The following SLC39A11 variants were observed in gnomAD, a reference collection of about 807,000 sequenced individuals.
SLC39A11 encodes solute carrier family 39 member 11.
In SLC39A11, 33 loss-of-function variants were observed where a neutral mutation model predicts 36.1. The observed-to-expected ratio is 0.91, with a 90% CI of 0.69 to 1.22. The LOEUF (loss-of-function observed/expected upper bound fraction) is 1.22, where lower values mean the gene tolerates loss of function less well. Among genes scored for constraint, SLC39A11 ranks in the 50% most tolerant of loss-of-function variants. SLC39A11 has a pLI of 0.00. For missense variants in SLC39A11, 432 were observed against 430.3 expected, an observed-to-expected ratio of 1.00 and a Z score of -0.03; for synonymous variants, 166 against 170.3, an observed-to-expected ratio of 0.97 and a Z score of 0.20.
chr17:72,676,102 A>ACACACACACACT (rs869131230), intron 7 of SLC39A11, among the ~76,000 whole-genome samples: 62 of 151,120 alleles, frequency 4.1e-4, no homozygotes, highest in East Asian at 7.8e-4. Flanking sequence ...ACACACACAC[A>ACACACACACACT]CTTGCTGTAT....
chr17:72,940,467 G>C (rs2085036675), intron 5 of SLC39A11, among the ~76,000 whole-genome samples: 1 of 152,118 alleles, frequency 6.6e-6, no homozygotes, highest in South Asian at 2.1e-4. Context: ...GTAGAGACGG[G>C]GTTTCACCAT....
intron 3 of SLC39A11, among the ~76,000 whole-genome samples, chr17:73,071,726 T>C (rs1411616310): frequency 6.6e-6 from 1 of 152,228 alleles, no homozygotes; most frequent in Non-Finnish European, 1.5e-5. Context: ...TATTCAACTC[T>C]GCCACTGTAG....
chr17:73,069,358 T>C (rs1046048717), intron 3 of SLC39A11, among the ~76,000 whole-genome samples: 1 of 152,262 alleles, frequency 6.6e-6, no homozygotes, highest in Non-Finnish European at 1.5e-5. Flanking sequence ...GGAGGGATTA[T>C]ATCTTGCTTC....
chr17:72,888,982 G>A (rs1250063899), intron 5 of SLC39A11, among the ~76,000 whole-genome samples: 1 of 152,080 alleles, frequency 6.6e-6, no homozygotes, highest in African/African-American at 2.4e-5. Context: ...GGTGTGCAGA[G>A]GTCAAACATG....
chr17:72,875,202 T>C (rs1455554095), intron 5 of SLC39A11, among the ~76,000 whole-genome samples: 1 of 152,222 alleles, frequency 6.6e-6, no homozygotes, highest in Non-Finnish European at 1.5e-5. Context: ...GTGTATATTA[T>C]TTTAAATCTT....
intron 6 of SLC39A11, among the ~76,000 whole-genome samples, chr17:72,776,249 G>A (rs896105577): frequency 2.0e-5 from 3 of 152,150 alleles, no homozygotes; most frequent in African/African-American, 4.8e-5. Context: ...ATCCCATGAC[G>A]GCACTCAATG....
chr17:72,922,260 G>C (rs1446489443), intron 5 of SLC39A11, among the ~76,000 whole-genome samples: 1 of 152,222 alleles, frequency 6.6e-6, no homozygotes, highest in Non-Finnish European at 1.5e-5. Context: ...CCCGAAGACA[G>C]TTTCACATTT....
intron 7 of SLC39A11, among the ~76,000 whole-genome samples, chr17:72,713,201 T>C (rs1328381228): frequency 1.3e-5 from 2 of 152,060 alleles, no homozygotes; most frequent in Non-Finnish European, 2.9e-5. Flanking sequence ...CAGACCAGGT[T>C]TGTAACAGGG....
chr17:72,896,931 T>C (rs1407519282), intron 5 of SLC39A11, among the ~76,000 whole-genome samples: 1 of 151,024 alleles, frequency 6.6e-6, no homozygotes, highest in Non-Finnish European at 1.5e-5. Context: ...CGGGCACCTA[T>C]AATCCCAGCT....
intron 5 of SLC39A11, among the ~76,000 whole-genome samples, chr17:72,920,190 C>T (rs747619666): frequency 2.0e-5 from 3 of 152,042 alleles, no homozygotes; most frequent in Non-Finnish European, 2.9e-5. Flanking sequence ...GGAAAATGTC[C>T]TCCCTGCTGC....
chr17:73,063,552 T>A (rs907895010), intron 3 of SLC39A11, among the ~76,000 whole-genome samples: 1 of 151,116 alleles, frequency 6.6e-6, no homozygotes, highest in Non-Finnish European at 1.5e-5. Flanking sequence ...GAGGCAGAGG[T>A]TGCAATGAGC....
chr17:72,705,991 T>C (rs2072877338), intron 7 of SLC39A11, among the ~76,000 whole-genome samples: 2 of 152,182 alleles, frequency 1.3e-5, no homozygotes, highest in Admixed American at 6.5e-5. Flanking sequence ...AACTTTCAGC[T>C]ATTTTCTGGT....
At chr17:72,797,451 C>G (rs894689952) in intron 6 of SLC39A11, among the ~76,000 whole-genome samples, 1 of 151,994 alleles carries the variant, frequency 6.6e-6, no homozygotes, top group African/African-American at 2.4e-5. Context: ...TGAAGATGAT[C>G]AGGCAAGAAG....
chr17:72,928,920 G>C (rs2084217975), intron 5 of SLC39A11, among the ~76,000 whole-genome samples: 1 of 152,230 alleles, frequency 6.6e-6, no homozygotes, highest in Non-Finnish European at 1.5e-5. Context: ...CACTGGGCCA[G>C]CCCAGAAGCA....
chr17:72,785,398 A>G (rs2076475586), intron 6 of SLC39A11, among the ~76,000 whole-genome samples: 1 of 127,486 alleles, frequency 7.8e-6, no homozygotes, highest in African/African-American at 3.6e-5. Context: ...GGAGAATTTC[A>G]AAGAGAAAGA....
At chr17:72,670,009 T>C (rs1352834205) in intron 7 of SLC39A11, among the ~76,000 whole-genome samples, 9 of 143,406 alleles carry the variant, frequency 6.3e-5, no homozygotes, top group East Asian at 4.1e-4. Context: ...TATATACACA[T>C]ATATATACGT....
chr17:72,693,368 A>G (rs965021580), intron 7 of SLC39A11, among the ~76,000 whole-genome samples: 2 of 152,206 alleles, frequency 1.3e-5, no homozygotes, highest in Non-Finnish European at 2.9e-5. Context: ...CCCATCTTTA[A>G]TCAAAACAGA....
intron 6 of SLC39A11, among the ~76,000 whole-genome samples, chr17:72,791,083 C>A (rs750801659): frequency 1.3e-5 from 2 of 152,194 alleles, no homozygotes; most frequent in African/African-American, 2.4e-5. Context: ...ATTCTCAGGT[C>A]CCATTTCAGA....
At chr17:73,088,426 A>AG (rs2060811501) in intron 2 of SLC39A11, among the ~76,000 whole-genome samples, 2 of 152,100 alleles carry the variant, frequency 1.3e-5, no homozygotes, top group Non-Finnish European at 2.9e-5. Flanking sequence ...AAGGGTCAAG[A>AG]GGGGAGATGA....
Sources: gnomAD v4.1 joint callset for allele counts (sites outside exome capture counted in the v4.1 genomes callset) on GRCh38, gnomAD v4.1.1 for gene constraint, MANE v1.5 for transcripts, NCBI Gene and HGNC (gene_info 2026-07-23, HGNC 2026-07-21) for gene names.